The following C17orf99 variants were observed in gnomAD, a reference collection of about 807,000 sequenced individuals.
The protein encoded by C17orf99 is chromosome 17 open reading frame 99.
A neutral mutation model predicts 22.6 loss-of-function variants in C17orf99; 18 were observed. The ratio of observed to expected loss-of-function variants is 0.80; its 90% CI spans 0.55 to 1.18. The LOEUF (loss-of-function observed/expected upper bound fraction) is 1.18. Ranked by LOEUF, C17orf99 falls within the 50% of genes most tolerant of loss-of-function variation. The pLI is 0.00. For synonymous variants in C17orf99, 147 were observed against 136.6 expected (o/e 1.08, Z -0.53); for missense variants, 328 against 342.7 (o/e 0.96, Z 0.34).
chr17:78,154,100 A>G (rs1006798636), intron 2 of C17orf99, among the ~76,000 whole-genome samples: 2 of 151,428 alleles, frequency 1.3e-5, no homozygotes, highest in Non-Finnish European at 2.9e-5. Context: ...TAATTTGTGT[A>G]TTTTTAATAG....
At position 78,165,972 on chromosome 17, in the gene C17orf99, C is replaced by T. The variant is rs34243262; in HGVS notation, c.724C>T (p.Leu242=). ...GCCGCTCTACAGGAGCACCCGCCGT[C>T]TGAGTGAAGAGGAGTTTGGGGGGTT... ...ALPLYRSTRR[L]SEEEFGGFRI... The change falls in exon 5 of 5, where the codon CTG becomes TTG. Residue 242 remains leucine, a synonymous_variant. Coordinates refer to ENST00000340363, the MANE Select transcript of C17orf99 (RefSeq NM_001163075.2). 4 of 1,502,370 alleles carry T rather than the reference C, an allele frequency of 2.7e-6. No homozygotes were observed. Among genetic ancestry groups the T allele is most frequent in the East Asian group, 2.5e-5 (1 of 39,932 alleles). 93.1% of individuals were successfully genotyped at this position (1,502,370 alleles called of 1,614,324 possible). A position where few individuals can be genotyped will look rare whatever the true frequency, so the allele number is the denominator to read the frequency against.
intron 2 of C17orf99, chr17:78,157,690 T>G (rs1033651136): frequency 1.6e-4 from 72 of 439,254 alleles, no homozygotes; most frequent in Non-Finnish European, 2.3e-4. Context: ...CCAGCTACTC[T>G]GGAGGCTGAG....
Position 78,165,525 on chromosome 17 carries a change from G to A in C17orf99, c.641-364G>A, listed in dbSNP as rs541596488. 127 of 988,130 alleles carry A rather than the reference G, an allele frequency of 1.3e-4. No individual in the cohort carries two copies. The East Asian group carries it at 2.0e-3, about 16-fold the overall frequency. The allele number at this position is 988,130 out of a possible 1,614,324, so 61.2% of individuals were successfully genotyped here. A position where few individuals can be genotyped will look rare whatever the true frequency, so the allele number is the denominator to read the frequency against. ...ACCATAAAACTCCCAGAGGCAGGCC[G>A]GGCACAGTGGCTCATGCCTGGAATC... is the stretch of plus-strand genomic sequence containing the variant. On this transcript the variant is annotated intron_variant, in intron 4 of 4. Transcript: ENST00000340363.
chr17:78,156,455 C>G (rs1268956923), intron 2 of C17orf99, among the ~76,000 whole-genome samples: 1 of 151,760 alleles, frequency 6.6e-6, no homozygotes, highest in South Asian at 2.1e-4. Context: ...AGAAGTCACT[C>G]GCAAGCAGAA....
chr17:78,161,604 G>A (rs1023167390), intron 3 of C17orf99, among the ~76,000 whole-genome samples: 18 of 152,150 alleles, frequency 1.2e-4, no homozygotes, highest in African/African-American at 4.1e-4. Flanking sequence ...AGCACTGTGG[G>A]AGGCCGAGAC....
At chr17:78,165,196 G>A (rs1567824053) in intron 4 of C17orf99, 1 of 991,554 alleles carries the variant, frequency 1.0e-6, no homozygotes, top group Non-Finnish European at 1.2e-6. Context: ...TGCCTGTCTG[G>A]CTTTGGTGGT....
In C17orf99 at chr17:78,165,950, G is replaced by T; in HGVS notation, c.702G>T (p.Pro234=). The T allele has an allele frequency of 1.3e-6, 2 of 1,487,196 alleles. No homozygotes were observed. The highest frequency in any genetic ancestry group is 2.5e-5 in the East Asian group (1 of 39,310). The allele number at this position is 1,487,196 out of a possible 1,614,324, so 92.1% of individuals were successfully genotyped here. A position where few individuals can be genotyped will look rare whatever the true frequency, so the allele number is the denominator to read the frequency against. The part of the protein sequence containing the change: ...GPLESPILAL[P]LYRSTRRLSE... ...TGGAGAGCCCCATCCTTGCCTTGCC[G>T]CTCTACAGGAGCACCCGCCGTCTGA... is the stretch of plus-strand genomic sequence containing the variant. Residue 234 remains proline, a synonymous_variant, in exon 5 of 5, where the codon CCG becomes CCT. Transcript: ENST00000340363.
chr17:78,157,604 C>G (rs2075537488), intron 2 of C17orf99: 1 of 535,948 alleles, frequency 1.9e-6, no homozygotes, highest in Non-Finnish European at 3.1e-6. Flanking sequence ...CGAAACCATC[C>G]TGGCTAAAAT....
At chr17:78,162,372 C>T (rs2075584769) in intron 3 of C17orf99, among the ~76,000 whole-genome samples, 1 of 151,628 alleles carries the variant, frequency 6.6e-6, no homozygotes, top group Admixed American at 6.6e-5. Context: ...ACCCTGCCTT[C>T]TTCCTGTTTC....
chr17:78,165,321 CCTTGGCA>C (rs2075609626), intron 4 of C17orf99: 3 of 985,746 alleles, frequency 3.0e-6, no homozygotes, highest in Middle Eastern at 5.2e-4. Context: ...AGGAGTCTGT[CCTTGGCA>C]CTTTCCCATC....
intron 3 of C17orf99, among the ~76,000 whole-genome samples, chr17:78,162,484 C>G (rs1465464758): frequency 6.6e-6 from 1 of 151,920 alleles, no homozygotes; most frequent in Non-Finnish European, 1.5e-5. Flanking sequence ...TCGCCCCATT[C>G]ATCCTTTGGC....
intron 2 of C17orf99, among the ~76,000 whole-genome samples, chr17:78,154,602 G>GT (rs2075511150): frequency 7.6e-6 from 1 of 131,098 alleles, no homozygotes; most frequent in South Asian, 2.2e-4. Flanking sequence ...CAGCACTTTG[G>GT]GGGGCTGAGG....
rs140111961 is a variant in C17orf99 at position 78,154,568 on chromosome 17, C to T, written c.71-6387C>T. ...GTCTCAAAAAAATAAATAGGTGGGG[C>T]GCAGTGGCTCACACCTGTAATCCCA... On this transcript the variant is annotated intron_variant, in intron 2 of 4. Transcript: ENST00000340363. Among the ~76,000 whole-genome samples the T allele has an allele frequency of 3.4e-3, 501 of 146,816 alleles. 6 individuals are homozygous for T. Among genetic ancestry groups the T allele is most frequent in the African/African-American group, 0.012 (471 of 39,274 alleles).
chr17:78,147,470 C>T (rs2075445847), intron 2 of C17orf99, among the ~76,000 whole-genome samples: 1 of 152,122 alleles, frequency 6.6e-6, no homozygotes, highest in African/African-American at 2.4e-5. Context: ...GGTACAGGAC[C>T]AGGGAGGAGG....
intron 2 of C17orf99, among the ~76,000 whole-genome samples, chr17:78,151,470 A>C (rs2075482979): frequency 6.6e-6 from 1 of 152,022 alleles, no homozygotes; most frequent in South Asian, 2.1e-4. Context: ...GACAACCAAA[A>C]AACAACACCA....
At chr17:78,153,658 A>G (rs539159950) in intron 2 of C17orf99, among the ~76,000 whole-genome samples, 1 of 152,256 alleles carries the variant, frequency 6.6e-6, no homozygotes, top group South Asian at 2.1e-4. Context: ...CGCAAAGGGA[A>G]CAAAAAGAAA....
chr17:78,156,332 GAAAAAAAAA>G (rs769438256), intron 2 of C17orf99, among the ~76,000 whole-genome samples: 2 of 63,390 alleles, frequency 3.2e-5, no homozygotes, highest in East Asian at 4.8e-4. Context: ...TCCTTCTCCA[GAAAAAAAAA>G]AAAAAAAAAA....
chr17:78,159,305 C>T lies in C17orf99; in HGVS notation c.71-1650C>T, dbSNP rs543811311. On this transcript the variant is annotated intron_variant, in intron 2 of 4. Transcript: ENST00000340363. ...TGAGCTGAGATCGTGCTACTGCACT[C>T]CATTCTGGACGACAGAGCAAGACTC... Among the ~76,000 whole-genome samples, 8 of 152,080 alleles carry T rather than the reference C, an allele frequency of 5.3e-5. No individual in the cohort carries two copies. In the South Asian group the frequency reaches 1.7e-3, roughly 32 times the overall value.
rs561558614 is a variant in C17orf99 at position 78,153,202 on chromosome 17, C to T, written c.70+6291C>T. On this transcript the variant is annotated intron_variant, in intron 2 of 4. Coordinates refer to ENST00000340363, the MANE Select transcript of C17orf99 (RefSeq NM_001163075.2). The stretch of plus-strand genomic sequence containing the variant: ...CTTGAGAGGATATAAAGTGAGTGTG[C>T]GGCCGGGGACGGTGGCTCACCCTGT... Among the ~76,000 whole-genome samples the T allele has an allele frequency of 2.0e-4, 30 of 151,936 alleles. 1 individual carries two copies. The highest frequency in any genetic ancestry group is 4.1e-4 in the Non-Finnish European group (28 of 67,936).
Sources: gnomAD v4.1 joint callset for allele counts (sites outside exome capture counted in the v4.1 genomes callset) on GRCh38, gnomAD v4.1.1 for gene constraint, MANE v1.5 for transcripts, NCBI Gene and HGNC (gene_info 2026-07-23, HGNC 2026-07-21) for gene names.